FNBP1L: variants seen among roughly 807,000 people sequenced by gnomAD.
FNBP1L encodes the protein formin binding protein 1 like.
Under a neutral mutation model 91.2 loss-of-function variants are expected in FNBP1L, and 36 were observed. That is an observed-to-expected ratio of 0.39 (90% confidence interval 0.30 to 0.52). The LOEUF (loss-of-function observed/expected upper bound fraction) is 0.52. Ranked by LOEUF, FNBP1L falls within the 20% of genes least tolerant of loss-of-function variation. The probability of loss-of-function intolerance (pLI) is 0.66; values close to 1 mark genes in which losing one functional copy is unlikely to be tolerated. For synonymous variants in FNBP1L, 242 were observed against 237.0 expected, an observed-to-expected ratio of 1.02 and a Z score of -0.19; for missense variants, 571 against 732.1, an observed-to-expected ratio of 0.78 and a Z score of 2.54.
At chr1:93,487,757 C>T (rs1669955574) in intron 1 of FNBP1L, among the ~76,000 whole-genome samples, 1 of 152,296 alleles carries the variant, frequency 6.6e-6, no homozygotes, top group South Asian at 2.1e-4. Flanking sequence ...TTTACTTGTA[C>T]CTCACTGGTC....
At chr1:93,514,655 C>G (rs1258832601) in intron 2 of FNBP1L, among the ~76,000 whole-genome samples, 1 of 152,140 alleles carries the variant, frequency 6.6e-6, no homozygotes, top group African/African-American at 2.4e-5. Context: ...CTGAGAAAAA[C>G]AAGCATTGGG....
chr1:93,533,025 T>G lies in FNBP1L; in HGVS notation c.743T>G (p.Leu248Trp). The change falls in exon 8 of 17, where the codon TTG becomes TGG. Residue 248 changes from leucine to tryptophan, a missense_variant. By Grantham distance (61) the Leu-to-Trp change is moderately conservative. Transcript: ENST00000271234. Reference protein sequence around the residue: ...RKVIPIISKCLEGMILAAKSV... With the variant: ...RKVIPIISKCWEGMILAAKSV... The stretch of plus-strand genomic sequence containing the variant: ...GTTATTCCCATCATTTCAAAATGTT[T>G]GGAAGGAATGATTCTTGCAGCAAAA... The G allele has an allele frequency of 1.9e-6, 3 of 1,613,212 alleles. No homozygotes were observed. Among genetic ancestry groups the G allele is most frequent in the South Asian group, 1.1e-5 (1 of 90,908 alleles).
chr1:93,489,601 A>G (rs186090929), intron 1 of FNBP1L, among the ~76,000 whole-genome samples: 1 of 152,284 alleles, frequency 6.6e-6, no homozygotes, highest in East Asian at 1.9e-4. Flanking sequence ...TCGTTTGGGT[A>G]GATTTTGAAG....
intron 1 of FNBP1L, among the ~76,000 whole-genome samples, chr1:93,481,137 G>A (rs1156273902): frequency 6.6e-6 from 1 of 152,134 alleles, no homozygotes; most frequent in African/African-American, 2.4e-5. Context: ...CCCTTTTGAT[G>A]TAGAGGTCCC....
At chr1:93,518,241 AC>A (rs1280167985) in intron 2 of FNBP1L, among the ~76,000 whole-genome samples, 1 of 152,178 alleles carries the variant, frequency 6.6e-6, no homozygotes, top group East Asian at 1.9e-4. Context: ...ATTTTATACA[AC>A]AAATTTGGAA....
At chr1:93,526,009 T>C (rs184447812) in intron 5 of FNBP1L, among the ~76,000 whole-genome samples, 1 of 152,254 alleles carries the variant, frequency 6.6e-6, no homozygotes, top group East Asian at 1.9e-4. Flanking sequence ...TTTGAAATAA[T>C]TGCGAGGTGA....
chr1:93,467,190 C>T (rs142349007), intron 1 of FNBP1L, among the ~76,000 whole-genome samples: 117 of 152,252 alleles, frequency 7.7e-4, no homozygotes, highest in South Asian at 3.3e-3. Context: ...TTTGTCCACC[C>T]GTGTGTATAG....
intron 5 of FNBP1L, among the ~76,000 whole-genome samples, chr1:93,526,424 C>T (rs935766035): frequency 2.0e-5 from 3 of 152,160 alleles, no homozygotes; most frequent in South Asian, 2.1e-4. Context: ...GAGCTAAACA[C>T]GATATCCTCA....
intron 2 of FNBP1L, among the ~76,000 whole-genome samples, chr1:93,520,112 CAG>C (rs1671272354): frequency 2.6e-5 from 4 of 152,136 alleles, no homozygotes; most frequent in Non-Finnish European, 4.4e-5. Context: ...ACTTACCATG[CAG>C]TATATTACAA....
chr1:93,543,025 C>T (rs1187752120), intron 11 of FNBP1L, among the ~76,000 whole-genome samples: 1 of 151,990 alleles, frequency 6.6e-6, no homozygotes, highest in Non-Finnish European at 1.5e-5. Flanking sequence ...AACTCCTGAC[C>T]TTAGGTGATC....
chr1:93,541,064 T>A lies in FNBP1L; in HGVS notation c.1164+8T>A. On this transcript the variant is annotated splice_region_variant and intron_variant, in intron 11 of 16. Coordinates refer to ENST00000271234, the MANE Select transcript of FNBP1L (RefSeq NM_001164473.3). Reference sequence around the variant, plus strand: ...CAGTGGTCGGTGAAGATGGTAAGCCTTATGTGCTGATCTATATACTGTGCC... The same window carrying A: ...CAGTGGTCGGTGAAGATGGTAAGCCATATGTGCTGATCTATATACTGTGCC... 6.5e-7 allele frequency: 1 copy of A among 1,536,194 alleles called. No individual in the cohort carries two copies. Among genetic ancestry groups the A allele is most frequent in the African/African-American group, 1.4e-5 (1 of 73,146 alleles).
chr1:93,503,159 G>T (rs1326239388), intron 2 of FNBP1L, among the ~76,000 whole-genome samples: 1 of 152,052 alleles, frequency 6.6e-6, no homozygotes, highest in African/African-American at 2.4e-5. Flanking sequence ...AGGGAAAGAG[G>T]TTTAATTGAC....
chr1:93,500,589 CTT>C (rs1242905595), intron 2 of FNBP1L, among the ~76,000 whole-genome samples: 1 of 152,128 alleles, frequency 6.6e-6, no homozygotes, highest in African/African-American at 2.4e-5. Flanking sequence ...GTCATACTGA[CTT>C]TGGTTAGGTT....
At chr1:93,470,958 A>T (rs1669266424) in intron 1 of FNBP1L, among the ~76,000 whole-genome samples, 3 of 151,940 alleles carry the variant, frequency 2.0e-5, no homozygotes, top group Admixed American at 2.0e-4. Context: ...TTAGAATTCG[A>T]TTAGTTTCTA....
chr1:93,534,752 A>G lies in FNBP1L; in HGVS notation c.834A>G (p.Pro278=), dbSNP rs1002597001. 1.3e-6 allele frequency: 2 copies of G among 1,572,946 alleles called. No individual in the cohort carries two copies. The highest frequency in any genetic ancestry group is 8.6e-7 in the Non-Finnish European group (1 of 1,156,652). Residue 278 remains proline (P), a synonymous_variant, in exon 9 of 17, where the codon CCA becomes CCG. Coordinates refer to ENST00000271234, the MANE Select transcript of FNBP1L (RefSeq NM_001164473.3). ...CCTTCAAATCTGGTTTTGAACCTCC[A>G]GGAGACTTTCCATTTGAAGATTACA... ...VDSFKSGFEP[P]GDFPFEDYSQ...
At chr1:93,479,224 G>A (rs1570783841) in intron 1 of FNBP1L, among the ~76,000 whole-genome samples, 1 of 152,150 alleles carries the variant, frequency 6.6e-6, no homozygotes, top group African/African-American at 2.4e-5. Flanking sequence ...CAAAAGGGGA[G>A]GGGGTGTACG....
intron 8 of FNBP1L, 63 bp from the exon 9 acceptor site, chr1:93,534,642 T>C (rs1307924124): frequency 4.5e-6 from 5 of 1,109,076 alleles, no homozygotes; most frequent in East Asian, 5.2e-5. Flanking sequence ...GAAAAAGTTA[T>C]GAAAGCTGAT....
intron 2 of FNBP1L, among the ~76,000 whole-genome samples, chr1:93,503,713 A>C (rs970230399): frequency 1.3e-5 from 2 of 152,218 alleles, no homozygotes; most frequent in African/African-American, 4.8e-5. Context: ...GTTACTTCAG[A>C]TCACTTGGTA....
Position 93,533,005 on chromosome 1 carries a change from T to C in FNBP1L, c.723T>C (p.Ile241=). ...RGFADSERKV[I]PIISKCLEGM... Reference sequence around the variant, plus strand: ...TTGCTGACTCAGAACGCAAAGTTATTCCCATCATTTCAAAATGTTTGGAAG... The same window carrying C: ...TTGCTGACTCAGAACGCAAAGTTATCCCCATCATTTCAAAATGTTTGGAAG... The change falls in exon 8 of 17, where the codon ATT becomes ATC. Residue 241 remains isoleucine, a synonymous_variant. Coordinates refer to ENST00000271234, the MANE Select transcript of FNBP1L (RefSeq NM_001164473.3). 6.2e-7 allele frequency: 1 copy of C among 1,613,330 alleles called. No individual in the cohort carries two copies. The highest frequency in any genetic ancestry group is 8.5e-7 in the Non-Finnish European group (1 of 1,179,524).
Sources: allele counts gnomAD v4.1 joint callset (sites outside exome capture counted in the v4.1 genomes callset), GRCh38; gene constraint gnomAD v4.1.1; transcripts MANE v1.5; gene names NCBI Gene and HGNC (gene_info 2026-07-23, HGNC 2026-07-21).